EIF4E3: variants seen among roughly 807,000 people sequenced by gnomAD.
EIF4E3 encodes the protein eukaryotic translation initiation factor 4E family member 3, also known as eukaryotic translation initiation factor 4E type 3.
In EIF4E3, 26 loss-of-function variants were observed where a neutral mutation model predicts 31.7. That is an observed-to-expected ratio of 0.82 (90% CI 0.60 to 1.14). EIF4E3 has a LOEUF of 1.14. EIF4E3 is among the 50% of genes most tolerant of loss of function. The pLI is 0.00. For synonymous variants in EIF4E3, 128 were observed against 107.7 expected, an observed-to-expected ratio of 1.19 and a Z score of -1.17; for missense variants, 304 against 270.9, an observed-to-expected ratio of 1.12 and a Z score of -0.86.
At chr3:71,669,752 C>T in the EIF4E3 span, among the ~76,000 whole-genome samples, 1 of 152,000 alleles carries the variant, frequency 6.6e-6, no homozygotes, top group African/African-American at 2.4e-5. Flanking sequence ...TAGGGCTGCT[C>T]TGTCTGGAGT....
the EIF4E3 span, among the ~76,000 whole-genome samples, chr3:71,662,297 C>T: frequency 1.3e-5 from 2 of 151,668 alleles, no homozygotes; most frequent in Non-Finnish European, 2.9e-5. Flanking sequence ...TGCCACTCAC[C>T]GACCAGCTAA....
intron 1 of EIF4E3, among the ~76,000 whole-genome samples, chr3:71,744,461 C>T (rs933860862): frequency 6.6e-6 from 1 of 152,014 alleles, no homozygotes; most frequent in Non-Finnish European, 1.5e-5. Context: ...AAATATTCAC[C>T]TCCGGCTGGG....
In EIF4E3 at chr3:71,712,639, C is replaced by CG. The variant is rs1553664400; in HGVS notation, c.177-2156dup. On this transcript the variant is annotated intron_variant, in intron 1 of 6. Transcript: ENST00000425534. ...ATGTGTGTGTGTTGCGGGGGGTGGGCGGGGGAGATTCTAGGGCTCAAAGGG... is the reference window on the plus strand; with the variant it reads ...ATGTGTGTGTGTTGCGGGGGGTGGGCGGGGGGAGATTCTAGGGCTCAAAGGG... Among the ~76,000 whole-genome samples, 118 of 104,840 alleles carry CG rather than the reference C, an allele frequency of 1.1e-3. 3 individuals carry two copies. The East Asian group carries it at 0.017, about 15-fold the overall frequency. 68.8% of individuals were successfully genotyped at this position (104,840 alleles called of 152,430 possible).
intron 1 of EIF4E3, among the ~76,000 whole-genome samples, chr3:71,719,018 C>T (rs1440151461): frequency 6.6e-6 from 1 of 152,190 alleles, no homozygotes; most frequent in Non-Finnish European, 1.5e-5. Flanking sequence ...ACAAGGATGA[C>T]TTTGGGGTCC....
chr3:71,743,584 A>G (rs567135264), intron 1 of EIF4E3, among the ~76,000 whole-genome samples: 2 of 152,316 alleles, frequency 1.3e-5, no homozygotes, highest in East Asian at 3.9e-4. Flanking sequence ...TTAATATCCC[A>G]GTAGGCTTTA....
intron 2 of EIF4E3, among the ~76,000 whole-genome samples, chr3:71,703,971 C>A (rs529375054): frequency 6.6e-6 from 1 of 152,296 alleles, no homozygotes; most frequent in East Asian, 1.9e-4. Flanking sequence ...TATTTATGGG[C>A]AGGGCCAATA....
At chr3:71,743,176 G>C (rs895745622) in intron 1 of EIF4E3, among the ~76,000 whole-genome samples, 2 of 152,044 alleles carry the variant, frequency 1.3e-5, no homozygotes, top group Non-Finnish European at 2.9e-5. Context: ...AAATAAAAAG[G>C]CATCCAGACT....
chr3:71,696,013 G>A lies in EIF4E3; in HGVS notation c.405+447C>T, dbSNP rs76295097. ...CTCTCATGAAACCCCAAAGGATAGT[G>A]AAATGCCAAGCCTCCCTATTCTCTG... On this transcript the variant is annotated intron_variant, in intron 4 of 6. Coordinates refer to ENST00000425534, the MANE Select transcript of EIF4E3 (RefSeq NM_001134651.2). Among the ~76,000 whole-genome samples the A allele has an allele frequency of 6.4e-3, 976 of 152,322 alleles. 8 individuals carry two copies. The highest frequency in any genetic ancestry group is 0.022 in the African/African-American group (905 of 41,570).
chr3:71,723,595 C>A (rs1029312036), intron 1 of EIF4E3, among the ~76,000 whole-genome samples: 1 of 152,168 alleles, frequency 6.6e-6, no homozygotes, highest in African/African-American at 2.4e-5. Context: ...GTTGTTCCTA[C>A]ATGTAAACTA....
At chr3:71,692,220 A>C (rs1247353126) in intron 5 of EIF4E3, among the ~76,000 whole-genome samples, 1 of 152,228 alleles carries the variant, frequency 6.6e-6, no homozygotes. Context: ...AGCATAAGAC[A>C]TTAGAGCTGG....
intron 4 of EIF4E3, among the ~76,000 whole-genome samples, chr3:71,695,108 G>C (rs774506943): frequency 3.3e-5 from 5 of 152,050 alleles, no homozygotes; most frequent in Admixed American, 6.5e-5. Context: ...TCTGGTCTAT[G>C]AGTCTCCCAC....
chr3:71,754,169 G>A (rs1286436932), upstream of EIF4E3: 16 of 1,453,026 alleles, frequency 1.1e-5, 1 homozygote, highest in African/African-American at 3.0e-5. This position sits in a 1 kb window ranked among gnomAD's most constrained non-coding sequence, Gnocchi z 5.8. Flanking sequence ...TGCTGTTCGC[G>A]CTGCTGATCG....
At chr3:71,705,395 G>A (rs1048256560) in intron 2 of EIF4E3, among the ~76,000 whole-genome samples, 2 of 152,190 alleles carry the variant, frequency 1.3e-5, no homozygotes, top group African/African-American at 4.8e-5. Flanking sequence ...GATAGGTTTG[G>A]CATATGCAGG....
chr3:71,741,330 A>C (rs2049819092), intron 1 of EIF4E3, among the ~76,000 whole-genome samples: 1 of 152,198 alleles, frequency 6.6e-6, no homozygotes, highest in South Asian at 2.1e-4. Context: ...AAAAGAAGGT[A>C]CATTGTGCTA....
rs1280477781 is a variant in EIF4E3 at position 71,710,394 on chromosome 3, T to C, written c.249+18A>G. ...ACGTGTGCCGTGTTAATCCAGTTAG[T>C]CCCTCTCTTGATCTTACCTGTACTG... On this transcript the variant is annotated intron_variant, in intron 2 of 6. Coordinates refer to ENST00000425534, the MANE Select transcript of EIF4E3 (RefSeq NM_001134651.2). The C allele has an allele frequency of 6.4e-7, 1 of 1,551,368 alleles. No homozygotes were observed. The highest frequency in any genetic ancestry group is 2.4e-5 in the East Asian group (1 of 40,914).
At chr3:71,728,595 G>C (rs2049667153), upstream of EIF4E3, 1 of 152,858 alleles carries the variant, frequency 6.5e-6, no homozygotes, top group Non-Finnish European at 1.5e-5. Flanking sequence ...GGTGGCAGAA[G>C]AGAGGAAGAG....
the EIF4E3 span, among the ~76,000 whole-genome samples, chr3:71,661,171 CAAAA>C: frequency 7.2e-6 from 1 of 139,080 alleles, no homozygotes; most frequent in African/African-American, 2.7e-5. Context: ...TCAAGCAACT[CAAAA>C]GAATGATTCT....
In EIF4E3 at chr3:71,716,096, A is replaced by G. The variant is rs1418778539; in HGVS notation, c.177-5612T>C. On this transcript the variant is annotated intron_variant, in intron 1 of 6. Transcript: ENST00000425534. ...AATCTTGCCTCCCCACCATATATCT[A>G]GCCACACTGCTGGCAAAGCACAGAG... Among the ~76,000 whole-genome samples, 3 of 152,192 alleles carry G rather than the reference A, an allele frequency of 2.0e-5. No individual in the cohort carries two copies. The East Asian group carries it at 5.8e-4, about 29-fold the overall frequency.
intron 3 of EIF4E3, 103 bp downstream of exon 3, chr3:71,699,511 A>G (rs2049185241): frequency 4.8e-6 from 5 of 1,049,574 alleles, no homozygotes; most frequent in South Asian, 2.6e-5. Context: ...CAGACTTTCT[A>G]TGTTGTCCAT....
Sources: gnomAD v4.1 joint callset for allele counts (sites outside exome capture counted in the v4.1 genomes callset) on GRCh38, gnomAD v4.1.1 for gene constraint, Gnocchi (gnomAD v3.1) non-coding constraint, MANE v1.5 for transcripts, NCBI Gene and HGNC (gene_info 2026-07-23, HGNC 2026-07-21) for gene names.